The following STK33 variants were observed in gnomAD, a reference collection of about 807,000 sequenced individuals.
The protein encoded by STK33 is serine/threonine kinase 33, also known as serine/threonine-protein kinase 33.
Under a neutral mutation model 58.0 loss-of-function variants are expected in STK33, and 52 were observed. The observed-to-expected ratio is 0.90, with a 90% CI of 0.72 to 1.13. The LOEUF is 1.13. Ranked by LOEUF, STK33 falls within the 50% of genes most tolerant of loss-of-function variation. STK33 has a pLI of 0.00. For missense variants in STK33, 630 were observed against 604.2 expected, an observed-to-expected ratio of 1.04 and a Z score of -0.45; for synonymous variants, 215 against 200.1, an observed-to-expected ratio of 1.07 and a Z score of -0.63.
intron 12 of STK33, among the ~76,000 whole-genome samples, chr11:8,437,181 C>T (rs1265289051): frequency 6.6e-6 from 1 of 152,192 alleles, no homozygotes; most frequent in Admixed American, 6.5e-5. Flanking sequence ...TCAGTAAAAC[C>T]ATGAGCACTG....
At chr11:8,382,970 C>A in the STK33 span, among the ~76,000 whole-genome samples, 27 of 152,180 alleles carry the variant, frequency 1.8e-4, no homozygotes, top group Admixed American at 3.3e-4. Flanking sequence ...ACCACAAGGA[C>A]ACTGATAGGA....
chr11:8,386,689 T>G, the STK33 span, among the ~76,000 whole-genome samples: 1 of 152,228 alleles, frequency 6.6e-6, no homozygotes, highest in South Asian at 2.1e-4. Flanking sequence ...ACCAGGACGG[T>G]GTCAATGTGA....
chr11:8,458,136 T>C (rs1403627762), intron 8 of STK33, among the ~76,000 whole-genome samples: 1 of 152,196 alleles, frequency 6.6e-6, no homozygotes, highest in Non-Finnish European at 1.5e-5. Context: ...ATTGTGCATT[T>C]CTAAATGAAC....
At chr11:8,382,829 G>C in the STK33 span, among the ~76,000 whole-genome samples, 2 of 152,174 alleles carry the variant, frequency 1.3e-5, no homozygotes, top group Non-Finnish European at 2.9e-5. Context: ...AGGAAAATGA[G>C]TGTGTCTTCC....
At chr11:8,417,134 C>T (rs1941250123) in intron 14 of STK33, among the ~76,000 whole-genome samples, 2 of 152,110 alleles carry the variant, frequency 1.3e-5, no homozygotes, top group Admixed American at 6.6e-5. Flanking sequence ...CCTCTGAACT[C>T]CTTTTACTGG....
At chr11:8,348,997 C>G in the STK33 span, among the ~76,000 whole-genome samples, 1 of 152,236 alleles carries the variant, frequency 6.6e-6, no homozygotes, top group African/African-American at 2.4e-5. Flanking sequence ...AGAGCTTCCA[C>G]TGATGGAGCC....
At chr11:8,440,797 A>G in intron 11 of STK33, 44 bp from the exon 12 acceptor site, 4 of 1,513,634 alleles carry the variant, frequency 2.6e-6, no homozygotes, top group Non-Finnish European at 3.6e-6. Flanking sequence ...AATACAATAA[A>G]TGTCTTTTAA....
intron 14 of STK33, among the ~76,000 whole-genome samples, chr11:8,435,293 A>G (rs1047988713): frequency 6.6e-6 from 1 of 152,202 alleles, no homozygotes; most frequent in African/African-American, 2.4e-5. Context: ...CTCTATAAAT[A>G]TATATAAACA....
the STK33 span, among the ~76,000 whole-genome samples, chr11:8,338,866 C>T: frequency 0.45 from 67,846 of 151,974 alleles, 15,787 homozygotes; most frequent in Non-Finnish European, 0.51. Flanking sequence ...TTTTTGTCCT[C>T]ATACAGCCCA....
intron 1 of STK33, among the ~76,000 whole-genome samples, chr11:8,566,159 A>T (rs1039786474): frequency 6.6e-6 from 1 of 152,212 alleles, no homozygotes; most frequent in Non-Finnish European, 1.5e-5. Context: ...ACTCTAGTTA[A>T]TTAATTATAT....
chr11:8,440,796 A>G (rs368170080), intron 11 of STK33, 43 bp from the exon 12 acceptor site: 8 of 1,517,864 alleles, frequency 5.3e-6, no homozygotes, highest in South Asian at 4.9e-5. Context: ...TAATACAATA[A>G]ATGTCTTTTA....
At chr11:8,537,836 A>T (rs1019508706) in intron 1 of STK33, among the ~76,000 whole-genome samples, 3 of 151,116 alleles carry the variant, frequency 2.0e-5, no homozygotes, top group Non-Finnish European at 4.4e-5. Flanking sequence ...TAAAAAAATA[A>T]TAAAAAATAA....
chr11:8,376,019 T>C, the STK33 span, among the ~76,000 whole-genome samples: 1 of 152,150 alleles, frequency 6.6e-6, no homozygotes, highest in Non-Finnish European at 1.5e-5. Flanking sequence ...TCAGGCTACT[T>C]AGATTTCCAG....
At position 8,550,424 on chromosome 11, in the gene STK33, C is replaced by T. The variant is rs1956228548; in HGVS notation, c.-466+43659G>A. 5.3e-5 allele frequency among the ~76,000 whole-genome samples: 8 copies of T among 152,142 alleles called. No homozygotes were observed. The South Asian group carries it at 1.2e-3, about 24-fold the overall frequency. Reference sequence around the variant, plus strand: ...CCTCCCAAAGTGCTAGGATTACAGGCATGAGCCACCACACTCAACCGGGAT... The same window carrying T: ...CCTCCCAAAGTGCTAGGATTACAGGTATGAGCCACCACACTCAACCGGGAT... On this transcript the variant is annotated intron_variant, in intron 1 of 15. Coordinates refer to ENST00000687296, the MANE Select transcript of STK33 (RefSeq NM_001352389.2).
At chr11:8,419,931 CACTT>C (rs1941670467) in intron 14 of STK33, among the ~76,000 whole-genome samples, 1 of 152,030 alleles carries the variant, frequency 6.6e-6, no homozygotes, top group African/African-American at 2.4e-5. Flanking sequence ...TTTGTTTACT[CACTT>C]AACCATGGAT....
chr11:8,396,039 C>T (rs538388810), intron 15 of STK33, among the ~76,000 whole-genome samples: 17 of 152,294 alleles, frequency 1.1e-4, no homozygotes, highest in Admixed American at 6.5e-5. Context: ...CGAAACAAAT[C>T]ACAGTATTTG....
chr11:8,369,251 T>TA, the STK33 span, among the ~76,000 whole-genome samples: 10 of 152,048 alleles, frequency 6.6e-5, no homozygotes, highest in African/African-American at 2.4e-4. Flanking sequence ...ACTTTTTTTT[T>TA]ACCTTCTATT....
chr11:8,392,492 C>A lies in STK33; in HGVS notation c.*18G>T. The A allele has an allele frequency of 6.2e-7, 1 of 1,613,844 alleles. No individual in the cohort carries two copies. The highest frequency in any genetic ancestry group is 1.3e-5 in the African/African-American group (1 of 75,002). ...AAGAGCAGCTTTGTTTTTGTACTGT[C>A]CAACACTGGAGGGAACCTTAGAGTT... On this transcript the variant is annotated 3_prime_UTR_variant, in exon 16 of 16. Coordinates refer to ENST00000687296, the MANE Select transcript of STK33 (RefSeq NM_001352389.2).
chr11:8,411,975 G>A (rs1460532859), intron 15 of STK33, among the ~76,000 whole-genome samples: 1 of 152,144 alleles, frequency 6.6e-6, no homozygotes, highest in Non-Finnish European at 1.5e-5. Context: ...CTGGAGGAGT[G>A]GGAGGGGAAA....
Sources: allele counts gnomAD v4.1 joint callset (sites outside exome capture counted in the v4.1 genomes callset), GRCh38; gene constraint gnomAD v4.1.1; transcripts MANE v1.5; gene names NCBI Gene and HGNC (gene_info 2026-07-23, HGNC 2026-07-21).